The following AFAP1 variants were observed in gnomAD, a reference collection of about 807,000 sequenced individuals.
AFAP1 encodes the protein actin filament-associated protein 1.
A neutral mutation model predicts 93.9 loss-of-function variants in AFAP1; 75 were observed. The ratio of observed to expected loss-of-function variants is 0.80; its 90% CI spans 0.66 to 0.97. The LOEUF (loss-of-function observed/expected upper bound fraction) is 0.97, where lower values mean the gene tolerates loss of function less well. Ranked by LOEUF, AFAP1 falls within the 50% of genes least tolerant of loss-of-function variation. AFAP1 has a pLI of 0.00. For missense variants in AFAP1, 1,201 were observed against 1,050.8 expected, an observed-to-expected ratio of 1.14 and a Z score of -1.98; for synonymous variants, 517 against 430.7, an observed-to-expected ratio of 1.20 and a Z score of -2.48.
rs1388026691 is a variant in AFAP1 at position 7,781,624 on chromosome 4, C to T, written c.1534G>A (p.Glu512Lys). ...DDVPCINGSW[E>K]PEDGFPASCS... The stretch of plus-strand genomic sequence containing the variant: ...GAAGCAGGAAAGCCGTCTTCCGGTT[C>T]CCACTGCAACACACATAGCTTTGTG... The change falls in exon 13 of 18, where the codon GAA becomes AAA. Residue 512 changes from glutamate to lysine, a missense_variant. Transcript: ENST00000420658. 1.9e-6 allele frequency: 3 copies of T among 1,551,590 alleles called. No individual in the cohort carries two copies. The African/African-American group carries it at 4.1e-5, about 21-fold the overall frequency.
At chr4:7,833,520 G>A (rs1461935015) in intron 6 of AFAP1, among the ~76,000 whole-genome samples, 1 of 151,732 alleles carries the variant, frequency 6.6e-6, no homozygotes, top group Non-Finnish European at 1.5e-5. Context: ...CGGTGAACAG[G>A]GAACACTTCT....
intron 6 of AFAP1, among the ~76,000 whole-genome samples, chr4:7,837,073 T>G (rs964883678): frequency 1.3e-5 from 2 of 152,112 alleles, no homozygotes; most frequent in Non-Finnish European, 2.9e-5. Context: ...GCTGATGACA[T>G]TTATGAAGAT....
At chr4:7,786,522 G>A (rs1717280030) in intron 11 of AFAP1, among the ~76,000 whole-genome samples, 1 of 152,212 alleles carries the variant, frequency 6.6e-6, no homozygotes, top group Non-Finnish European at 1.5e-5. Flanking sequence ...CTGCAGAACT[G>A]CGGCACAGAT....
intron 1 of AFAP1, among the ~76,000 whole-genome samples, chr4:7,897,511 T>TA (rs1718855588): frequency 6.8e-6 from 1 of 146,092 alleles, no homozygotes; most frequent in East Asian, 1.9e-4. Flanking sequence ...CAGCGCTTGT[T>TA]TTTTTTGTTT....
chr4:7,855,875 G>A (rs1714995315), intron 3 of AFAP1, among the ~76,000 whole-genome samples: 3 of 152,246 alleles, frequency 2.0e-5, no homozygotes, highest in Non-Finnish European at 2.9e-5. Flanking sequence ...CTTCCCCCAC[G>A]CAGGACTGGG....
intron 1 of AFAP1, among the ~76,000 whole-genome samples, chr4:7,901,444 G>A (rs1022805035): frequency 2.0e-5 from 3 of 152,186 alleles, no homozygotes; most frequent in South Asian, 2.1e-4. Flanking sequence ...ACATACTTCC[G>A]GTGCTAAATG....
At chr4:7,891,879 C>G (rs1028066056) in intron 1 of AFAP1, among the ~76,000 whole-genome samples, 1 of 151,554 alleles carries the variant, frequency 6.6e-6, no homozygotes, top group Non-Finnish European at 1.5e-5. Context: ...GGTGAAACCC[C>G]ATCTCTACTA....
intron 4 of AFAP1, among the ~76,000 whole-genome samples, chr4:7,848,141 G>A: frequency 2.0e-5 from 2 of 102,308 alleles, no homozygotes; most frequent in African/African-American, 5.5e-5. Context: ...GTGAGTGAGG[G>A]AGTGAACAGG....
chr4:7,885,807 A>G (rs1025277150), intron 1 of AFAP1, among the ~76,000 whole-genome samples: 2 of 152,164 alleles, frequency 1.3e-5, no homozygotes, highest in African/African-American at 4.8e-5. Flanking sequence ...GTGGTGAAAG[A>G]CTAATTCTGA....
intron 8 of AFAP1, among the ~76,000 whole-genome samples, chr4:7,811,528 C>T (rs948315844): frequency 1.3e-5 from 2 of 152,086 alleles, no homozygotes; most frequent in African/African-American, 4.8e-5. Flanking sequence ...CCCTGGTGCC[C>T]CCACCACAGC....
chr4:7,813,302 C>T (rs1227107236), intron 8 of AFAP1, among the ~76,000 whole-genome samples: 1 of 152,222 alleles, frequency 6.6e-6, no homozygotes, highest in East Asian at 1.9e-4. Context: ...GAATGTACTT[C>T]AACCTTAACT....
At chr4:7,837,974 G>A (rs1000525706) in intron 6 of AFAP1, among the ~76,000 whole-genome samples, 2 of 152,112 alleles carry the variant, frequency 1.3e-5, no homozygotes, top group Non-Finnish European at 2.9e-5. Context: ...CGATCATACC[G>A]CTACATTCCA....
At chr4:7,889,139 A>C (rs1718296279) in intron 1 of AFAP1, among the ~76,000 whole-genome samples, 1 of 152,236 alleles carries the variant, frequency 6.6e-6, no homozygotes, top group South Asian at 2.1e-4. Flanking sequence ...CAAAAAGGAT[A>C]ACACATTAAG....
chr4:7,873,258 A>C (rs1271467486), intron 1 of AFAP1, among the ~76,000 whole-genome samples: 2 of 149,718 alleles, frequency 1.3e-5, no homozygotes, highest in Non-Finnish European at 3.0e-5. Flanking sequence ...AAAAAAAAAA[A>C]AAACCCCACT....
At chr4:7,904,732 C>T (rs1391027902) in intron 1 of AFAP1, among the ~76,000 whole-genome samples, 3 of 152,014 alleles carry the variant, frequency 2.0e-5, no homozygotes, top group African/African-American at 4.8e-5. Flanking sequence ...TGTTTTAGGA[C>T]GGGGTCTTGC....
intron 14 of AFAP1, chr4:7,775,159 C>G (rs1179531328): frequency 4.8e-6 from 2 of 414,748 alleles, no homozygotes; most frequent in Non-Finnish European, 8.6e-6. Context: ...TAGGTTTATT[C>G]AAGCAGATAA....
chr4:7,853,040 C>T (rs533163725), intron 4 of AFAP1, among the ~76,000 whole-genome samples: 2 of 152,162 alleles, frequency 1.3e-5, no homozygotes, highest in Non-Finnish European at 2.9e-5. Flanking sequence ...TACTTGGAAA[C>T]TCAGTGTGGC....
intron 11 of AFAP1, among the ~76,000 whole-genome samples, chr4:7,790,398 C>A (rs1024424406): frequency 2.0e-5 from 3 of 152,078 alleles, no homozygotes; most frequent in Non-Finnish European, 4.4e-5. Context: ...TGTGACCTTG[C>A]CACATTTGAT....
At chr4:7,790,602 T>G (rs1158113285) in intron 11 of AFAP1, among the ~76,000 whole-genome samples, 9 of 152,158 alleles carry the variant, frequency 5.9e-5, no homozygotes. Context: ...ATAACCACTT[T>G]TATGTCTGCT....
Sources: gnomAD v4.1 joint callset for allele counts (sites outside exome capture counted in the v4.1 genomes callset) on GRCh38, gnomAD v4.1.1 for gene constraint, MANE v1.5 for transcripts, NCBI Gene and HGNC (gene_info 2026-07-23, HGNC 2026-07-21) for gene names.